Variants in TENT2 observed in about 807,000 individuals in gnomAD.
TENT2 encodes terminal nucleotidyltransferase 2, also known as poly(A) RNA polymerase GLD2.
In TENT2, 44 loss-of-function variants were observed where a neutral mutation model predicts 72.2. That is an observed-to-expected ratio of 0.61 (90% CI 0.48 to 0.78). The LOEUF is 0.78. Among genes scored for constraint, TENT2 ranks in the 30% least tolerant of loss-of-function variants. TENT2 has a pLI of 0.00. For missense variants in TENT2, 541 were observed against 569.6 expected, an observed-to-expected ratio of 0.95 and a Z score of 0.51; for synonymous variants, 212 against 192.5, an observed-to-expected ratio of 1.10 and a Z score of -0.84.
In TENT2 at chr5:79,612,605, G is replaced by A. The variant is rs925106238; in HGVS notation, c.-508G>A. On this transcript the variant is annotated 5_prime_UTR_variant, in exon 1 of 15. Coordinates refer to ENST00000453514, the MANE Select transcript of TENT2 (RefSeq NM_001114394.3). ...TCCTCCCCTGGCAGCCGTGAGGGGG[G>A]TTAGATCTCAGCCGGAGCCGGAGCT... 1 of 153,296 alleles carries A rather than the reference G, an allele frequency of 6.5e-6. No homozygotes were observed. The highest frequency in any genetic ancestry group is 1.5e-5 in the Non-Finnish European group (1 of 68,634). The allele number at this position is 153,296 out of a possible 1,614,324, so 9.5% of individuals were successfully genotyped here. A position where few individuals can be genotyped will look rare whatever the true frequency, so the allele number is the denominator to read the frequency against.
chr5:79,671,700 C>T lies in TENT2; in HGVS notation c.1208+2672C>T, dbSNP rs150501560. Among the ~76,000 whole-genome samples the T allele has an allele frequency of 3.8e-3, 576 of 152,156 alleles. 4 individuals carry two copies. Among genetic ancestry groups the T allele is most frequent in the African/African-American group, 0.012 (505 of 41,508 alleles). On this transcript the variant is annotated intron_variant, in intron 12 of 14. Coordinates refer to ENST00000453514, the MANE Select transcript of TENT2 (RefSeq NM_001114394.3). ...CTAGGATTACAGGTGTGAGCCACCG[C>T]GCCTAGCCAAAAGTTCTTTTTTCTG... is the stretch of plus-strand genomic sequence containing the variant.
At chr5:79,637,905 C>G (rs1781420552) in intron 4 of TENT2, among the ~76,000 whole-genome samples, 1 of 148,734 alleles carries the variant, frequency 6.7e-6, no homozygotes, top group African/African-American at 2.5e-5. Context: ...TCAGGTGATT[C>G]TCTTGCCTCA....
At chr5:79,670,851 G>A (rs1026166096) in intron 12 of TENT2, among the ~76,000 whole-genome samples, 7 of 151,296 alleles carry the variant, frequency 4.6e-5, no homozygotes, top group African/African-American at 1.2e-4. Flanking sequence ...TAGGGAATTT[G>A]TGTACATGAA....
At chr5:79,625,104 A>C (rs1768402568) in intron 4 of TENT2, among the ~76,000 whole-genome samples, 1 of 152,204 alleles carries the variant, frequency 6.6e-6, no homozygotes, top group Non-Finnish European at 1.5e-5. Context: ...AGTGGGTATG[A>C]AATGGTATCT....
At chr5:79,637,229 CAAA>C (rs56715544) in intron 4 of TENT2, among the ~76,000 whole-genome samples, 8 of 148,478 alleles carry the variant, frequency 5.4e-5, no homozygotes, top group African/African-American at 1.7e-4. Context: ...GACCATGTAT[CAAA>C]AAAAAAAAAT....
Position 79,685,917 on chromosome 5 carries a change from AAAC to A in TENT2, c.*650_*652del, listed in dbSNP as rs2151046308. 6.5e-6 allele frequency: 1 copy of A among 152,836 alleles called. No individual in the cohort carries two copies. The highest frequency in any genetic ancestry group is 1.5e-5 in the Non-Finnish European group (1 of 68,092). The allele number at this position is 152,836 out of a possible 1,614,324, so 9.5% of individuals were successfully genotyped here. On this transcript the variant is annotated 3_prime_UTR_variant, in exon 15 of 15. Transcript: ENST00000453514. ...TGAGATTGCTTTAAATTTTGTATTG[AAAC>A]AACAATACATTTTGCACTGTAGTAA...
intron 11 of TENT2, among the ~76,000 whole-genome samples, chr5:79,657,980 A>G (rs901585428): frequency 1.3e-5 from 2 of 152,228 alleles, no homozygotes; most frequent in Non-Finnish European, 2.9e-5. Flanking sequence ...TCAGTTAAAT[A>G]TAGTTTAATA....
At chr5:79,683,354 T>TCACCC (rs1393077282) in intron 14 of TENT2, among the ~76,000 whole-genome samples, 2 of 149,206 alleles carry the variant, frequency 1.3e-5, no homozygotes, top group Non-Finnish European at 3.0e-5. Context: ...CCACCTCACC[T>TCACCC]CACCCCACCC....
Position 79,640,966 on chromosome 5 carries a change from G to A in TENT2, c.580+1G>A, listed in dbSNP as rs1294717408. On this transcript the variant is annotated splice_donor_variant, in intron 5 of 14. Coordinates refer to ENST00000453514, the MANE Select transcript of TENT2 (RefSeq NM_001114394.3). LOFTEE classifies it high-confidence loss of function. ...AGAGAAATTCAGCTGTTATTTCCACGTATGTTTCCCTATTTTGCATGTCCT... is the reference window on the plus strand; with the variant it reads ...AGAGAAATTCAGCTGTTATTTCCACATATGTTTCCCTATTTTGCATGTCCT... 1 of 1,594,930 alleles carries A rather than the reference G, an allele frequency of 6.3e-7. No homozygotes were observed. Among genetic ancestry groups the A allele is most frequent in the South Asian group, 1.1e-5 (1 of 87,386 alleles).
At chr5:79,648,959 C>T (rs899324677) in intron 9 of TENT2, 103 bp from the exon 10 acceptor site, 16 of 1,273,580 alleles carry the variant, frequency 1.3e-5, no homozygotes, top group Admixed American at 4.3e-5. Flanking sequence ...TTAATATACA[C>T]GGAGACAGTG....
chr5:79,646,129 T>C (rs1788763582), intron 8 of TENT2, among the ~76,000 whole-genome samples: 1 of 152,132 alleles, frequency 6.6e-6, no homozygotes, highest in East Asian at 1.9e-4. Flanking sequence ...TTTTTGTGCT[T>C]TTTTGCTATT....
intron 12 of TENT2, among the ~76,000 whole-genome samples, chr5:79,675,144 G>A (rs113194356): frequency 3.3e-5 from 5 of 152,188 alleles, no homozygotes; most frequent in Middle Eastern, 3.4e-3. Context: ...TTTTATTGTT[G>A]GAGAGGAGAA....
At chr5:79,637,798 CTT>C (rs60911107) in intron 4 of TENT2, among the ~76,000 whole-genome samples, 12 of 122,386 alleles carry the variant, frequency 9.8e-5, no homozygotes, top group African/African-American at 1.6e-4. Context: ...TCCTCTTTTG[CTT>C]TTTTTTTTTT....
intron 11 of TENT2, among the ~76,000 whole-genome samples, chr5:79,660,007 C>G (rs1801522736): frequency 6.6e-6 from 1 of 152,008 alleles, no homozygotes; most frequent in African/African-American, 2.4e-5. Flanking sequence ...TTTTAAATTT[C>G]TAGCTTCTCT....
At chr5:79,668,743 A>G in intron 11 of TENT2, 149 bp from the exon 12 acceptor site, 2 of 786,922 alleles carry the variant, frequency 2.5e-6, no homozygotes, top group South Asian at 4.2e-5. Context: ...TGAAGTCTTT[A>G]GTGGAAGAAA....
Position 79,625,474 on chromosome 5 carries a change from T to A in TENT2, c.465+1985T>A, listed in dbSNP as rs188055758. On this transcript the variant is annotated intron_variant, in intron 4 of 14. Coordinates refer to ENST00000453514, the MANE Select transcript of TENT2 (RefSeq NM_001114394.3). ...TGGTGTCATATCTAAGAAACCATTGTTAAAGGTCACAGAGATTAATGCCTA... is the reference window on the plus strand; with the variant it reads ...TGGTGTCATATCTAAGAAACCATTGATAAAGGTCACAGAGATTAATGCCTA... Among the ~76,000 whole-genome samples the A allele has an allele frequency of 3.0e-3, 459 of 152,300 alleles. 1 individual carries two copies. Among genetic ancestry groups the A allele is most frequent in the African/African-American group, 0.011 (439 of 41,578 alleles).
chr5:79,637,273 A>G (rs1780889869), intron 4 of TENT2, among the ~76,000 whole-genome samples: 2 of 152,096 alleles, frequency 1.3e-5, no homozygotes, highest in South Asian at 4.2e-4. Context: ...TTTTTCTTAC[A>G]AATACTTTGT....
Position 79,654,657 on chromosome 5 carries a change from G to C in TENT2, c.1028-2301G>C, listed in dbSNP as rs1796629837. 3.9e-5 allele frequency among the ~76,000 whole-genome samples: 6 copies of C among 152,118 alleles called. No homozygotes were observed. The South Asian group carries it at 1.0e-3, about 26-fold the overall frequency. On this transcript the variant is annotated intron_variant, in intron 10 of 14. Coordinates refer to ENST00000453514, the MANE Select transcript of TENT2 (RefSeq NM_001114394.3). ...TGCACACTTGTCATCCCAGCTAGTG[G>C]GGTGGCTGAGGCATGAGAATCACTT...
chr5:79,654,966 T>C (rs1226261810), intron 10 of TENT2, among the ~76,000 whole-genome samples: 1 of 152,192 alleles, frequency 6.6e-6, no homozygotes, highest in Non-Finnish European at 1.5e-5. Context: ...GTAGATTAGC[T>C]GTATTCAAGG....
Sources: gnomAD v4.1 joint callset for allele counts (sites outside exome capture counted in the v4.1 genomes callset) on GRCh38, gnomAD v4.1.1 for gene constraint, MANE v1.5 for transcripts, NCBI Gene and HGNC (gene_info 2026-07-23, HGNC 2026-07-21) for gene names.